Variants in JUP observed in about 807,000 individuals in gnomAD.
JUP encodes the protein catenin (cadherin-associated protein), gamma 80kDa.
A neutral mutation model predicts 71.1 loss-of-function variants in JUP; 28 were observed. That is an observed-to-expected ratio of 0.39 (90% CI 0.29 to 0.54). The LOEUF is 0.54. Among genes scored for constraint, JUP ranks in the 20% least tolerant of loss-of-function variants. JUP has a pLI of 0.62. For synonymous variants in JUP, 401 were observed against 438.9 expected (o/e 0.91, Z 1.08); for missense variants, 869 against 1,030.1 (o/e 0.84, Z 2.14).
intron 1 of JUP, chr17:41,772,350 G>A (rs1042462033): frequency 3.8e-6 from 1 of 262,650 alleles, no homozygotes; most frequent in Non-Finnish European, 7.5e-6. Context: ...ACTGGGCGGG[G>A]CAGGGAAGCG....
chr17:41,782,942 C>T lies in JUP; in HGVS notation c.-9+3646G>A, dbSNP rs1158085569. On this transcript the variant is annotated intron_variant, in intron 1 of 13. Transcript: ENST00000393931. ...TGAAACCCCATCTCTACTAAAAATA[C>T]AAAAATTAGCCTAGTGTGGTGGTGC... 2.0e-5 allele frequency among the ~76,000 whole-genome samples: 3 copies of T among 152,016 alleles called. No individual in the cohort carries two copies. The East Asian group carries it at 5.8e-4, about 29-fold the overall frequency.
In JUP at chr17:41,756,228, G is replaced by C. The variant is rs116666639; in HGVS notation, c.2047-14C>G. 2,211 of 1,613,296 alleles carry C rather than the reference G, an allele frequency of 1.4e-3. 33 individuals are homozygous for C. In the African/African-American group the frequency reaches 0.026, roughly 19 times the overall value. On this transcript the variant is annotated splice_polypyrimidine_tract_variant and intron_variant, in intron 12 of 13. Transcript: ENST00000393931. ...CATGCTCTGGGCCTGAAAAAGGAGAGAGAAACATGGAGGGGAGGTTTGAAA... is the reference window on the plus strand; with the variant it reads ...CATGCTCTGGGCCTGAAAAAGGAGACAGAAACATGGAGGGGAGGTTTGAAA...
chr17:41,755,488 A>G lies in JUP; in HGVS notation c.*256T>C. 3 of 428,432 alleles carry G rather than the reference A, an allele frequency of 7.0e-6. No individual in the cohort carries two copies. The highest frequency in any genetic ancestry group is 6.9e-5 in the East Asian group (2 of 29,190). The allele number at this position is 428,432 out of a possible 1,614,324, so 26.5% of individuals were successfully genotyped here. A position where few individuals can be genotyped will look rare whatever the true frequency, so the allele number is the denominator to read the frequency against. On this transcript the variant is annotated 3_prime_UTR_variant, in exon 14 of 14. Transcript: ENST00000393931. ...AGGGGCTCGGTGGACCTGCATCCCC[A>G]GAAGCTCAAGCCACTCCGTGTCACC...
intron 10 of JUP, 94 bp downstream of exon 10, chr17:41,758,305 A>T: frequency 6.4e-7 from 1 of 1,553,218 alleles, no homozygotes; most frequent in Non-Finnish European, 8.8e-7. Context: ...AGACCTCTTG[A>T]TACCTGGTCC....
At chr17:41,768,506 G>A (rs550317097) in intron 4 of JUP, among the ~76,000 whole-genome samples, 2 of 151,744 alleles carry the variant, frequency 1.3e-5, no homozygotes, top group East Asian at 1.9e-4. Flanking sequence ...AGGCTGCAGT[G>A]AGCTGAGATC....
rs782643399 is a variant in JUP, at chr17:41,763,096, G to A, written c.1384C>T (p.Leu462Phe). ...TCGGCCTCAGGGTGGCGGCTAGTGAGGTGGCGCAGAGCGCAGACGGCAGGC... is the reference window on the plus strand; with the variant it reads ...TCGGCCTCAGGGTGGCGGCTAGTGAAGTGGCGCAGAGCGCAGACGGCAGGC... ...TEPAVCALRH[L>F]TSRHPEAEMA... Residue 462 changes from leucine to phenylalanine, a missense_variant, in exon 8 of 14, where the codon CTC becomes TTC. Physicochemically the swap from Leu to Phe is conservative, Grantham distance 22. Coordinates refer to ENST00000393931, the MANE Select transcript of JUP (RefSeq NM_002230.4). 2 of 1,614,144 alleles carry A rather than the reference G, an allele frequency of 1.2e-6. No individual in the cohort carries two copies. The highest frequency in any genetic ancestry group is 1.7e-6 in the Non-Finnish European group (2 of 1,179,978).
At chr17:41,776,002 G>C in intron 1 of JUP, 1 of 985,352 alleles carries the variant, frequency 1.0e-6, no homozygotes, top group South Asian at 4.7e-5. Context: ...TCCCCAGCCG[G>C]CACCTGCCAA....
rs1452084344 is a variant in JUP at position 41,781,228 on chromosome 17, G to A, written c.-9+5360C>T. Reference sequence around the variant, plus strand: ...AAATTAGCTGGGCGTACTGGCAGGCGCTTGTAGTCCCAGCTACGCGGGAGG... The same window carrying A: ...AAATTAGCTGGGCGTACTGGCAGGCACTTGTAGTCCCAGCTACGCGGGAGG... On this transcript the variant is annotated intron_variant, in intron 1 of 13. Coordinates refer to ENST00000393931, the MANE Select transcript of JUP (RefSeq NM_002230.4). Among the ~76,000 whole-genome samples the A allele has an allele frequency of 5.9e-5, 9 of 151,482 alleles. No homozygotes were observed. The East Asian group carries it at 7.7e-4, about 13-fold the overall frequency.
chr17:41,767,757 CA>C (rs1915958472), intron 4 of JUP, among the ~76,000 whole-genome samples, 177 bp from the exon 5 acceptor site: 1 of 152,344 alleles, frequency 6.6e-6, no homozygotes, highest in African/African-American at 2.4e-5. Flanking sequence ...AAGCATGAAG[CA>C]AACAGCACCT....
intron 1 of JUP, among the ~76,000 whole-genome samples, chr17:41,773,708 C>G (rs1483229219): frequency 6.6e-6 from 1 of 152,102 alleles, no homozygotes; most frequent in African/African-American, 2.4e-5. Context: ...GCGGGGTGCT[C>G]GGAGAAGGCA....
intron 10 of JUP, 117 bp downstream of exon 10, chr17:41,758,282 C>T: frequency 2.1e-6 from 3 of 1,409,082 alleles, no homozygotes; most frequent in Non-Finnish European, 2.9e-6. Flanking sequence ...AACTTTCCTC[C>T]AAACTCCTCC....
intron 2 of JUP, 184 bp downstream of exon 2, chr17:41,771,463 C>T: frequency 1.6e-6 from 1 of 625,920 alleles, no homozygotes; most frequent in Admixed American, 2.6e-5. Context: ...TGTGACCCTC[C>T]CAGATGCAGC....
intron 8 of JUP, 25 bp downstream of exon 8, chr17:41,762,958 C>G: frequency 6.2e-7 from 1 of 1,607,414 alleles, no homozygotes; most frequent in Non-Finnish European, 8.5e-7. Flanking sequence ...GCAGGGAGCT[C>G]CTTCCCCTCG....
At chr17:41,768,711 C>T (rs113197346) in intron 4 of JUP, among the ~76,000 whole-genome samples, 8 of 152,348 alleles carry the variant, frequency 5.3e-5, no homozygotes, top group African/African-American at 1.4e-4. Flanking sequence ...CTGTCAATCC[C>T]CTGCCATTAA....
Position 41,770,053 on chromosome 17 carries a change from G to C in JUP, c.209-376C>G, listed in dbSNP as rs189756666. On this transcript the variant is annotated intron_variant, in intron 2 of 13. Transcript: ENST00000393931. The stretch of plus-strand genomic sequence containing the variant: ...ACAGATGGGAAAACTGGGCACAGAG[G>C]GGTTATAAGGCAGCCTGACTCAGGG... Among the ~76,000 whole-genome samples the C allele has an allele frequency of 3.9e-5, 6 of 152,074 alleles. No individual in the cohort carries two copies. The East Asian group carries it at 9.7e-4, about 24-fold the overall frequency.
chr17:41,766,130 T>C lies in JUP; in HGVS notation c.910-1063A>G, dbSNP rs570635370. Among the ~76,000 whole-genome samples, 23 of 152,218 alleles carry C rather than the reference T, an allele frequency of 1.5e-4. 1 individual carries two copies. In the South Asian group the frequency reaches 3.7e-3, roughly 25 times the overall value. On this transcript the variant is annotated intron_variant, in intron 5 of 13. Coordinates refer to ENST00000393931, the MANE Select transcript of JUP (RefSeq NM_002230.4). The stretch of plus-strand genomic sequence containing the variant: ...TAATTAGCTCAGTAGTATGTTCTCA[T>C]AGTCCTAGCTATCAGGAAGACTAAG...
Position 41,772,853 on chromosome 17 carries a change from C to T in JUP, c.-8-991G>A. ...ATGAGTAGCAGGGCCGAACTTTGTA[C>T]CAGGGAGGTGAACTTCCCGCTTGGT... is the stretch of plus-strand genomic sequence containing the variant. On this transcript the variant is annotated intron_variant, in intron 1 of 13. Coordinates refer to ENST00000393931, the MANE Select transcript of JUP (RefSeq NM_002230.4). The T allele has an allele frequency of 3.0e-6, 3 of 985,406 alleles. 1 individual carries two copies. The South Asian group carries it at 1.4e-4, about 46-fold the overall frequency. The allele number at this position is 985,406 out of a possible 1,614,324, so 61.0% of individuals were successfully genotyped here.
chr17:41,775,699 CGGGA>C (rs1179225675), intron 1 of JUP, among the ~76,000 whole-genome samples: 2 of 152,074 alleles, frequency 1.3e-5, no homozygotes, highest in Non-Finnish European at 2.9e-5. Flanking sequence ...GTTAGCAGCA[CGGGA>C]GGAAGAAGCC....
At chr17:41,767,707 T>A in intron 4 of JUP, 127 bp from the exon 5 acceptor site, 1 of 737,868 alleles carries the variant, frequency 1.4e-6, no homozygotes. Flanking sequence ...AAATATCCCT[T>A]TGCTAAAATC....
Sources: allele counts gnomAD v4.1 joint callset (sites outside exome capture counted in the v4.1 genomes callset), GRCh38; gene constraint gnomAD v4.1.1; transcripts MANE v1.5; gene names NCBI Gene and HGNC (gene_info 2026-07-23, HGNC 2026-07-21).